The following SESN3 variants were observed in gnomAD, a reference collection of about 807,000 sequenced individuals.
SESN3 encodes the protein sestrin-3.
A neutral mutation model predicts 55.3 loss-of-function variants in SESN3; 21 were observed. That is an observed-to-expected ratio of 0.38 (90% confidence interval 0.27 to 0.55). SESN3 has a LOEUF of 0.55. Among genes scored for constraint, SESN3 ranks in the 20% least tolerant of loss-of-function variants. The probability of loss-of-function intolerance (pLI) is 0.76; values close to 1 mark genes in which losing one functional copy is unlikely to be tolerated. For missense variants in SESN3, 408 were observed against 604.3 expected (o/e 0.68, Z 3.41); for synonymous variants, 181 against 203.1 (o/e 0.89, Z 0.93).
At chr11:95,221,135 T>C (rs990924981) in intron 1 of SESN3, among the ~76,000 whole-genome samples, 1 of 152,068 alleles carries the variant, frequency 6.6e-6, no homozygotes, top group African/African-American at 2.4e-5. Flanking sequence ...AAACCCCGTC[T>C]CTACAAAAAA....
chr11:95,176,516 T>G (rs539127418), intron 8 of SESN3, among the ~76,000 whole-genome samples: 14 of 152,280 alleles, frequency 9.2e-5, no homozygotes, highest in African/African-American at 3.1e-4. Flanking sequence ...TGGGATTTTG[T>G]GCATAAGTGT....
At chr11:95,203,556 C>T (rs80136724) in intron 1 of SESN3, among the ~76,000 whole-genome samples, 2,089 of 152,152 alleles carry the variant, frequency 0.014, 13 homozygotes, top group Middle Eastern at 0.02. Flanking sequence ...TTCATTTTTA[C>T]CTGGAATAGA....
At chr11:95,180,213 C>A (rs1860034950) in intron 6 of SESN3, among the ~76,000 whole-genome samples, 1 of 151,962 alleles carries the variant, frequency 6.6e-6, no homozygotes, top group Admixed American at 6.6e-5. Context: ...AGTATTATGG[C>A]ATAATAAAAG....
chr11:95,207,719 G>A (rs1860575424), intron 1 of SESN3, among the ~76,000 whole-genome samples: 1 of 149,816 alleles, frequency 6.7e-6, no homozygotes, highest in South Asian at 2.2e-4. Flanking sequence ...AAGGTCTATT[G>A]TAGATATATA....
intron 1 of SESN3, among the ~76,000 whole-genome samples, chr11:95,215,594 A>G (rs1024890005): frequency 6.6e-6 from 1 of 152,176 alleles, no homozygotes; most frequent in African/African-American, 2.4e-5. Context: ...AATACCTGAC[A>G]TGTAGTAAAC....
intron 3 of SESN3, 45 bp from the exon 4 acceptor site, chr11:95,190,006 G>C: frequency 7.0e-7 from 1 of 1,434,076 alleles, no homozygotes; most frequent in Non-Finnish European, 9.5e-7. Context: ...AATCACAGTA[G>C]AGTTTCTTTC....
intron 2 of SESN3, 77 bp from the exon 3 acceptor site, chr11:95,191,678 A>G: frequency 1.0e-6 from 1 of 1,001,344 alleles, no homozygotes. Flanking sequence ...TTATGCCACT[A>G]TTGAAGCAAA....
At chr11:95,205,339 G>A (rs1190453734) in intron 1 of SESN3, among the ~76,000 whole-genome samples, 1 of 152,102 alleles carries the variant, frequency 6.6e-6, no homozygotes, top group Non-Finnish European at 1.5e-5. Context: ...AGAGTGGGGT[G>A]GGGGAGGCTG....
intron 9 of SESN3, 99 bp from the exon 10 acceptor site, chr11:95,173,440 T>TACAC: frequency 1.7e-6 from 1 of 579,596 alleles, no homozygotes; most frequent in Admixed American, 2.2e-5. Context: ...ATAAGCAATA[T>TACAC]ACACACACAC....
chr11:95,197,683 T>C (rs1860387452), intron 1 of SESN3, among the ~76,000 whole-genome samples: 1 of 152,136 alleles, frequency 6.6e-6, no homozygotes, highest in African/African-American at 2.4e-5. Context: ...TATTATTCTT[T>C]CAAGTCAATG....
chr11:95,190,061 T>C, intron 3 of SESN3, 100 bp from the exon 4 acceptor site: 1 of 804,118 alleles, frequency 1.2e-6, no homozygotes, highest in South Asian at 2.1e-5. Flanking sequence ...ATGATTTTTA[T>C]AGCCAGTACC....
Position 95,167,465 on chromosome 11 carries a change from G to C in SESN3, c.*5790C>G, listed in dbSNP as rs1190221829. The C allele has an allele frequency of 6.7e-6, 1 of 149,576 alleles. No individual in the cohort carries two copies. Among genetic ancestry groups the C allele is most frequent in the African/African-American group, 2.6e-5 (1 of 39,050 alleles). The allele number at this position is 149,576 out of a possible 1,614,324, so 9.3% of individuals were successfully genotyped here. On this transcript the variant is annotated 3_prime_UTR_variant, in exon 10 of 10. Transcript: ENST00000536441. The stretch of plus-strand genomic sequence containing the variant: ...TTCAAAAGAATCAGATATTCATTCT[G>C]TTTCCCCCCCATATATATAATTTTT...
At chr11:95,228,191 A>G (rs976570073) in intron 1 of SESN3, among the ~76,000 whole-genome samples, 2 of 152,226 alleles carry the variant, frequency 1.3e-5, no homozygotes, top group Non-Finnish European at 2.9e-5. Context: ...ATTGGGTTAA[A>G]CCATATTATT....
At chr11:95,179,162 T>G (rs901795093) in intron 6 of SESN3, among the ~76,000 whole-genome samples, 1 of 151,964 alleles carries the variant, frequency 6.6e-6, no homozygotes, top group South Asian at 2.1e-4. Context: ...TTAACCAGTT[T>G]TTTTTTTTTT....
chr11:95,178,985 T>G (rs914180518), intron 6 of SESN3, among the ~76,000 whole-genome samples, 157 bp from the exon 7 acceptor site: 2 of 152,172 alleles, frequency 1.3e-5, no homozygotes, highest in Non-Finnish European at 2.9e-5. Flanking sequence ...ACTGCTAAAG[T>G]TTTAAATATA....
At chr11:95,231,341 C>A (rs776282169), upstream of SESN3, 5 of 386,782 alleles carry the variant, frequency 1.3e-5, no homozygotes, top group Non-Finnish European at 2.3e-5. Context: ...CTGGGAGTCG[C>A]GCCGGCCAAT....
chr11:95,178,612 C>A (rs1171503533), intron 7 of SESN3, 98 bp downstream of exon 7: 8 of 744,498 alleles, frequency 1.1e-5, no homozygotes, highest in African/African-American at 1.8e-5. Context: ...TTTATAGATT[C>A]TATCAAAAAT....
In SESN3 at chr11:95,177,863, T is replaced by G; in HGVS notation, c.1103A>C (p.Tyr368Ser). 1 of 1,604,446 alleles carries G rather than the reference T, an allele frequency of 6.2e-7. No homozygotes were observed. The highest frequency in any genetic ancestry group is 8.5e-7 in the Non-Finnish European group (1 of 1,176,734). Residue 368 changes from tyrosine (Y) to serine (S), a missense_variant, in exon 8 of 10, where the codon TAT (tyrosine) becomes TCT (serine). Transcript: ENST00000536441. ...NHGFSLVNRL[Y>S]SDIGHLLDEK... ...ATCAAGAAGATGTCCAATGTCAGAA[T>G]AAAGTCTGTTCACCAGGGAGAACCC...
rs1460103343 is a variant in SESN3 at position 95,177,851 on chromosome 11, C to A, written c.1115G>T (p.Gly372Val). The A allele has an allele frequency of 2.5e-6, 4 of 1,606,936 alleles. No individual in the cohort carries two copies. Among genetic ancestry groups the A allele is most frequent in the Non-Finnish European group, 3.4e-6 (4 of 1,177,792 alleles). ...SLVNRLYSDI[G>V]HLLDEKFRMV... is the part of the protein sequence containing the mutation. Reference sequence around the variant, plus strand: ...CCGAAACTTTTCATCAAGAAGATGTCCAATGTCAGAATAAAGTCTGTTCAC... The same window carrying A: ...CCGAAACTTTTCATCAAGAAGATGTACAATGTCAGAATAAAGTCTGTTCAC... The change falls in exon 8 of 10, where the codon GGA becomes GTA. Residue 372 changes from glycine (G) to valine (V), a missense_variant. By Grantham distance (109) the Gly-to-Val change is moderately radical. Transcript: ENST00000536441.
Sources: allele counts gnomAD v4.1 joint callset (sites outside exome capture counted in the v4.1 genomes callset), GRCh38; gene constraint gnomAD v4.1.1; transcripts MANE v1.5; gene names NCBI Gene and HGNC (gene_info 2026-07-23, HGNC 2026-07-21).